The following SETBP1 variants were observed in gnomAD, a reference collection of about 807,000 sequenced individuals.
The protein encoded by SETBP1 is SET binding protein 1, also known as SET-binding protein.
In SETBP1, 9 loss-of-function variants were observed where a neutral mutation model predicts 101.0. The observed-to-expected ratio is 0.09, with a 90% CI of 0.05 to 0.16. The LOEUF (loss-of-function observed/expected upper bound fraction) is 0.16, where lower values mean the gene tolerates loss of function less well. SETBP1 is among the 10% of genes least tolerant of loss of function. The pLI, the probability that SETBP1 is intolerant of heterozygous loss-of-function variation, is 1.00. For synonymous variants in SETBP1, 818 were observed against 788.5 expected (o/e 1.04, Z -0.63); for missense variants, 1,858 against 2,033.8 (o/e 0.91, Z 1.66).
intron 2 of SETBP1, among the ~76,000 whole-genome samples, chr18:44,725,903 T>A (rs1288746494): frequency 6.6e-6 from 1 of 152,126 alleles, no homozygotes; most frequent in African/African-American, 2.4e-5. Flanking sequence ...TACTTAGAAA[T>A]CTATGGTTAG....
In SETBP1 at chr18:45,010,268, C is replaced by G. The variant is rs1265247481; in HGVS notation, c.4001-28217C>G. 3.9e-5 allele frequency among the ~76,000 whole-genome samples: 6 copies of G among 152,284 alleles called. No individual in the cohort carries two copies. The East Asian group carries it at 1.2e-3, about 29-fold the overall frequency. On this transcript the variant is annotated intron_variant, in intron 4 of 5. Transcript: ENST00000649279. ...CATGTTGGTTAAACATCATCTGATG[C>G]CTTTGCCTCCATCATATTGGTAAAT... is the stretch of plus-strand genomic sequence containing the variant.
At chr18:44,816,911 C>G (rs2071990998) in intron 2 of SETBP1, among the ~76,000 whole-genome samples, 1 of 152,172 alleles carries the variant, frequency 6.6e-6, no homozygotes, top group Admixed American at 6.5e-5. Flanking sequence ...GACAAGAATG[C>G]ATTAAACATG....
chr18:44,873,225 C>G (rs1264038194), intron 3 of SETBP1, among the ~76,000 whole-genome samples: 1 of 152,122 alleles, frequency 6.6e-6, no homozygotes, highest in African/African-American at 2.4e-5. Flanking sequence ...CAGACCCTTC[C>G]CCAGATGTTG....
chr18:44,912,854 C>T (rs948569572), intron 3 of SETBP1, among the ~76,000 whole-genome samples: 1 of 152,186 alleles, frequency 6.6e-6, no homozygotes. Flanking sequence ...CTCATGGTTA[C>T]TGGCCTTGTC....
chr18:45,045,051 G>A (rs1439892564), intron 5 of SETBP1, among the ~76,000 whole-genome samples: 1 of 152,138 alleles, frequency 6.6e-6, no homozygotes, highest in East Asian at 1.9e-4. Context: ...GGAGGCCAAG[G>A]CAGGTGGATC....
intron 2 of SETBP1, among the ~76,000 whole-genome samples, chr18:44,805,483 C>T (rs1426521008): frequency 2.0e-5 from 3 of 151,716 alleles, no homozygotes; most frequent in Non-Finnish European, 4.4e-5. Context: ...CAAAACCTAC[C>T]AGTTATTCAA....
chr18:44,865,879 T>G (rs980819663), intron 2 of SETBP1, among the ~76,000 whole-genome samples: 4 of 152,202 alleles, frequency 2.6e-5, no homozygotes, highest in Non-Finnish European at 4.4e-5. Context: ...GATAACACCT[T>G]CAATGCATGC....
intron 2 of SETBP1, among the ~76,000 whole-genome samples, chr18:44,713,649 C>T (rs1030110498): frequency 6.6e-6 from 1 of 152,146 alleles, no homozygotes; most frequent in Non-Finnish European, 1.5e-5. Flanking sequence ...TTAACATGAC[C>T]CCAAGCTGTA....
intron 3 of SETBP1, among the ~76,000 whole-genome samples, chr18:44,893,737 G>A (rs949338158): frequency 2.6e-5 from 4 of 152,102 alleles, no homozygotes; most frequent in African/African-American, 9.7e-5. Context: ...GGGAGAGAGA[G>A]AAATATCAAA....
At chr18:44,920,731 C>T (rs1192184669) in intron 3 of SETBP1, among the ~76,000 whole-genome samples, 3 of 152,166 alleles carry the variant, frequency 2.0e-5, no homozygotes, top group Non-Finnish European at 2.9e-5. Flanking sequence ...AGTTAGAGCC[C>T]TCAAGAACAA....
chr18:44,694,124 A>T (rs1012929961), intron 1 of SETBP1, among the ~76,000 whole-genome samples: 2 of 152,184 alleles, frequency 1.3e-5, no homozygotes, highest in Non-Finnish European at 2.9e-5. Flanking sequence ...TAGTAGATGG[A>T]TGTTTACTCT....
intron 4 of SETBP1, among the ~76,000 whole-genome samples, chr18:45,001,034 A>T (rs912616946): frequency 6.6e-5 from 10 of 152,208 alleles, no homozygotes; most frequent in Non-Finnish European, 1.3e-4. Context: ...ATGGTCATTC[A>T]TTCATTCATC....
intron 4 of SETBP1, among the ~76,000 whole-genome samples, chr18:44,990,947 A>G (rs1184211610): frequency 6.7e-6 from 1 of 149,590 alleles, no homozygotes; most frequent in Non-Finnish European, 1.5e-5. Flanking sequence ...AAAAAAAAAA[A>G]GAAACCAAAA....
At chr18:44,843,657 G>T (rs2072666458) in intron 2 of SETBP1, among the ~76,000 whole-genome samples, 1 of 152,152 alleles carries the variant, frequency 6.6e-6, no homozygotes, top group Non-Finnish European at 1.5e-5. Context: ...GCTCTTGGTG[G>T]GTCACATGCC....
Position 44,696,396 on chromosome 18 carries a change from G to C in SETBP1, c.-172-4779G>C, listed in dbSNP as rs114906696. ...CTGAGAGGGCTTGGTAAAAGCTGGC[G>C]TGTTGGGTCCCAGCTCTGGAGCCCT... On this transcript the variant is annotated intron_variant, in intron 1 of 5. Coordinates refer to ENST00000649279, the MANE Select transcript of SETBP1 (RefSeq NM_015559.3). Among the ~76,000 whole-genome samples, 467 of 152,274 alleles carry C rather than the reference G, an allele frequency of 3.1e-3. 3 individuals are homozygous for C. The highest frequency in any genetic ancestry group is 9.5e-3 in the African/African-American group (396 of 41,550).
Position 44,731,390 on chromosome 18 carries a change from C to T in SETBP1, c.486+29558C>T, listed in dbSNP as rs965513734. ...CGCTAAACTGACAGAAAACAGGGTC[C>T]GCAGAGAGGTTTATGAGACTGTCAG... On this transcript the variant is annotated intron_variant, in intron 2 of 5. Transcript: ENST00000649279. Among the ~76,000 whole-genome samples the T allele has an allele frequency of 1.0e-3, 157 of 152,172 alleles. 1 individual carries two copies. The highest frequency in any genetic ancestry group is 1.3e-4 in the Non-Finnish European group (9 of 68,000).
At chr18:45,012,189 A>G (rs899346881) in intron 4 of SETBP1, among the ~76,000 whole-genome samples, 1 of 152,178 alleles carries the variant, frequency 6.6e-6, no homozygotes, top group African/African-American at 2.4e-5. Flanking sequence ...TACTCACAGT[A>G]TTCCTGGGAA....
At chr18:44,917,865 C>T (rs2070475403) in intron 3 of SETBP1, among the ~76,000 whole-genome samples, 1 of 152,054 alleles carries the variant, frequency 6.6e-6, no homozygotes, top group South Asian at 2.1e-4. Context: ...TTTTGGGACT[C>T]CCGGGAGCCA....
At chr18:44,682,260 A>AG (rs933241906) in intron 1 of SETBP1, among the ~76,000 whole-genome samples, 1 of 152,110 alleles carries the variant, frequency 6.6e-6, no homozygotes, top group African/African-American at 2.4e-5. Context: ...CGTGGGAGAA[A>AG]GGGGATGGGG....
Sources: gnomAD v4.1 joint callset for allele counts (sites outside exome capture counted in the v4.1 genomes callset) on GRCh38, gnomAD v4.1.1 for gene constraint, MANE v1.5 for transcripts, NCBI Gene and HGNC (gene_info 2026-07-23, HGNC 2026-07-21) for gene names.